IMMP2L: variants seen among roughly 807,000 people sequenced by gnomAD.
The protein encoded by IMMP2L is inner mitochondrial membrane peptidase subunit 2.
IMMP2L carries 18 observed loss-of-function variants against 19.3 expected under a neutral mutation model. The ratio of observed to expected loss-of-function variants is 0.93; its 90% CI spans 0.64 to 1.38. The LOEUF is 1.38. IMMP2L is among the 40% of genes most tolerant of loss of function. The pLI, the probability that IMMP2L is intolerant of heterozygous loss-of-function variation, is 0.00. For synonymous variants in IMMP2L, 76 were observed against 73.0 expected (o/e 1.04, Z -0.21); for missense variants, 233 against 218.2 (o/e 1.07, Z -0.43).
chr7:111,492,355 T>A (rs1843183727), intron 2 of IMMP2L: 1 of 979,508 alleles, frequency 1.0e-6, no homozygotes, highest in Non-Finnish European at 1.2e-6. Context: ...ACTTACCCTA[T>A]CCCCCATACT....
chr7:110,847,768 G>A (rs914700729), intron 5 of IMMP2L, among the ~76,000 whole-genome samples: 1 of 152,118 alleles, frequency 6.6e-6, no homozygotes, highest in Non-Finnish European at 1.5e-5. Flanking sequence ...ATAGTCAACT[G>A]ATCTTTGACA....
intron 5 of IMMP2L, among the ~76,000 whole-genome samples, chr7:110,797,711 C>T (rs960059778): frequency 1.3e-5 from 2 of 151,888 alleles, no homozygotes; most frequent in African/African-American, 4.8e-5. Flanking sequence ...TTTATTGGTT[C>T]CCTGCTATAT....
intron 3 of IMMP2L, among the ~76,000 whole-genome samples, chr7:111,108,349 A>AT (rs1030680475): frequency 1.3e-5 from 2 of 152,166 alleles, no homozygotes; most frequent in African/African-American, 4.8e-5. Flanking sequence ...ACTTTCAATC[A>AT]TTAAGAATAC....
In IMMP2L at chr7:110,679,200, G is replaced by A. The variant is rs139471513; in HGVS notation, c.409-15479C>T. On this transcript the variant is annotated intron_variant, in intron 5 of 5. Transcript: ENST00000405709. ...GGGGGTATCTCCAGCTAATTTTCAT[G>A]AATTAATTTCCCAGGATTGATGTTT... is the stretch of plus-strand genomic sequence containing the variant. 2.0e-5 allele frequency among the ~76,000 whole-genome samples: 3 copies of A among 152,176 alleles called. No homozygotes were observed. The East Asian group carries it at 5.8e-4, about 30-fold the overall frequency.
chr7:110,818,086 T>C (rs1364499280), intron 5 of IMMP2L, among the ~76,000 whole-genome samples: 2 of 151,986 alleles, frequency 1.3e-5, no homozygotes, highest in East Asian at 3.9e-4. Flanking sequence ...CCAAAAGCAA[T>C]GGCAACAAAA....
intron 3 of IMMP2L, among the ~76,000 whole-genome samples, chr7:111,030,733 T>C (rs977173969): frequency 2.0e-5 from 3 of 152,016 alleles, no homozygotes; most frequent in African/African-American, 7.2e-5. Flanking sequence ...GTATTTACTA[T>C]ACTTTAGAGC....
At chr7:111,022,292 T>C (rs897280886) in intron 3 of IMMP2L, among the ~76,000 whole-genome samples, 1 of 152,314 alleles carries the variant, frequency 6.6e-6, no homozygotes, top group East Asian at 1.9e-4. Context: ...AGCAGAAATG[T>C]AGCTCTGGCA....
intron 5 of IMMP2L, among the ~76,000 whole-genome samples, chr7:110,736,885 G>C (rs930202682): frequency 1.3e-5 from 2 of 152,136 alleles, no homozygotes; most frequent in Non-Finnish European, 1.5e-5. Context: ...TCAAACTTCT[G>C]AGTTGGTGCT....
intron 3 of IMMP2L, among the ~76,000 whole-genome samples, chr7:111,201,150 T>TG (rs1327084057): frequency 6.6e-5 from 10 of 152,114 alleles, no homozygotes; most frequent in African/African-American, 2.4e-4. Context: ...CACATATGCT[T>TG]GGAGGGTCTG....
chr7:111,549,101 T>C (rs1849210816), intron 1 of IMMP2L, among the ~76,000 whole-genome samples: 1 of 152,188 alleles, frequency 6.6e-6, no homozygotes, highest in Admixed American at 6.5e-5. Context: ...ACAGTCATTT[T>C]TTTCTCAGAT....
At chr7:110,950,444 T>C (rs974830645) in intron 4 of IMMP2L, among the ~76,000 whole-genome samples, 9 of 152,044 alleles carry the variant, frequency 5.9e-5, no homozygotes, top group Non-Finnish European at 7.4e-5. Context: ...GATATACTGT[T>C]GTTTGGGTTA....
At chr7:111,451,614 A>T (rs1268402578) in intron 3 of IMMP2L, among the ~76,000 whole-genome samples, 1 of 149,710 alleles carries the variant, frequency 6.7e-6, no homozygotes, top group African/African-American at 2.5e-5. Flanking sequence ...CTAATGCTAG[A>T]TGACGAGTTA....
intron 3 of IMMP2L, among the ~76,000 whole-genome samples, chr7:111,079,932 A>T (rs956421352): frequency 1.3e-5 from 2 of 152,060 alleles, no homozygotes; most frequent in African/African-American, 4.8e-5. Flanking sequence ...CTCTTTTACC[A>T]TGTGATGCCC....
chr7:111,074,943 T>C (rs1274123485), intron 3 of IMMP2L, among the ~76,000 whole-genome samples: 1 of 151,992 alleles, frequency 6.6e-6, no homozygotes, highest in African/African-American at 2.4e-5. Flanking sequence ...AAGTGACTGA[T>C]AAGAACCATT....
intron 3 of IMMP2L, chr7:111,392,143 C>T: frequency 1.6e-6 from 1 of 608,884 alleles, no homozygotes; most frequent in Admixed American, 2.7e-5. Context: ...CAACAACATA[C>T]TTTTAGCCCC....
chr7:111,446,757 C>T (rs1159657213), intron 3 of IMMP2L, among the ~76,000 whole-genome samples: 1 of 152,178 alleles, frequency 6.6e-6, no homozygotes, highest in Admixed American at 6.5e-5. Context: ...TCAAATTACT[C>T]TGAGCTACGG....
chr7:111,069,310 A>C (rs73418043), intron 3 of IMMP2L, among the ~76,000 whole-genome samples: 1 of 152,012 alleles, frequency 6.6e-6, no homozygotes, highest in Non-Finnish European at 1.5e-5. Context: ...AATGTTGTTT[A>C]TCTGACATAT....
At chr7:111,069,380 G>A (rs1425889815) in intron 3 of IMMP2L, among the ~76,000 whole-genome samples, 3 of 152,146 alleles carry the variant, frequency 2.0e-5, no homozygotes, top group African/African-American at 7.2e-5. Flanking sequence ...ATGAGGAATA[G>A]TAATGAACTA....
chr7:111,303,652 A>T (rs1451813718), intron 3 of IMMP2L, among the ~76,000 whole-genome samples: 1 of 152,096 alleles, frequency 6.6e-6, no homozygotes, highest in Non-Finnish European at 1.5e-5. Flanking sequence ...ATAATGGCAA[A>T]AACAAGGCAA....
Sources: gnomAD v4.1 joint callset for allele counts (sites outside exome capture counted in the v4.1 genomes callset) on GRCh38, gnomAD v4.1.1 for gene constraint, MANE v1.5 for transcripts, NCBI Gene and HGNC (gene_info 2026-07-23, HGNC 2026-07-21) for gene names.